RBFOX1: variants seen among roughly 807,000 people sequenced by gnomAD.
RBFOX1 encodes RNA binding fox-1 homolog 1, also known as RNA binding protein fox-1 homolog 1.
A neutral mutation model predicts 57.7 loss-of-function variants in RBFOX1; 8 were observed. The observed-to-expected ratio is 0.14, with a 90% CI of 0.08 to 0.25. RBFOX1 has a LOEUF of 0.25. Ranked by LOEUF, RBFOX1 falls within the 10% of genes least tolerant of loss-of-function variation. The pLI, the probability that RBFOX1 is intolerant of heterozygous loss-of-function variation, is 1.00. For synonymous variants in RBFOX1, 326 were observed against 222.4 expected (o/e 1.47, Z -4.15); for missense variants, 611 against 548.5 (o/e 1.11, Z -1.14).
At chr16:6,991,203 G>A (rs1280018801) in intron 3 of RBFOX1, among the ~76,000 whole-genome samples, 1 of 150,832 alleles carries the variant, frequency 6.6e-6, no homozygotes, top group Non-Finnish European at 1.5e-5. Flanking sequence ...TACAGAATGA[G>A]GCAGGAGAAT....
chr16:6,772,667 C>G (rs2078520350), intron 3 of RBFOX1, among the ~76,000 whole-genome samples: 3 of 114,290 alleles, frequency 2.6e-5, no homozygotes, highest in African/African-American at 7.4e-5. Context: ...TGTATGTGGA[C>G]TTTGAGTGCA....
At chr16:7,631,759 C>T (rs1340838831) in intron 11 of RBFOX1, among the ~76,000 whole-genome samples, 2 of 152,152 alleles carry the variant, frequency 1.3e-5, no homozygotes, top group Non-Finnish European at 2.9e-5. Context: ...AACCAAACAT[C>T]TTCGTTTCCT....
intron 3 of RBFOX1, among the ~76,000 whole-genome samples, chr16:5,710,345 G>A (rs948598589): frequency 7.9e-5 from 12 of 152,186 alleles, no homozygotes; most frequent in African/African-American, 2.9e-4. Flanking sequence ...TCTGTTAAAT[G>A]TAGGGATGGC....
chr16:6,836,083 G>A (rs912120906), intron 3 of RBFOX1, among the ~76,000 whole-genome samples: 2 of 152,160 alleles, frequency 1.3e-5, no homozygotes, highest in African/African-American at 2.4e-5. Flanking sequence ...GCTACAAAAC[G>A]CCTGCTATAG....
chr16:6,078,615 A>T (rs955843720), intron 1 of RBFOX1, among the ~76,000 whole-genome samples: 1 of 152,174 alleles, frequency 6.6e-6, no homozygotes, highest in Non-Finnish European at 1.5e-5. Context: ...TCTCCTTTAG[A>T]TGCTGCTGCA....
At chr16:6,069,131 G>A (rs1389939321) in intron 1 of RBFOX1, among the ~76,000 whole-genome samples, 1 of 152,152 alleles carries the variant, frequency 6.6e-6, no homozygotes, top group African/African-American at 2.4e-5. Context: ...GGGCACGGCG[G>A]CTGACGCATG....
rs1244582733 is a variant in RBFOX1, at chr16:6,655,802, A to G, written c.-16+1152A>G. 2.6e-5 allele frequency among the ~76,000 whole-genome samples: 4 copies of G among 152,128 alleles called. No homozygotes were observed. The South Asian group carries it at 6.2e-4, about 24-fold the overall frequency. The stretch of plus-strand genomic sequence containing the variant: ...CTTTCAAGTGTACCATTATTGTCAA[A>G]TGGGTTATTATTTCAAGCAGAGGTT... On this transcript the variant is annotated intron_variant, in intron 3 of 15. Transcript: ENST00000550418.
rs1054848318 is a variant in RBFOX1 at position 6,383,843 on chromosome 16, A to C, written c.-64+66786A>C. ...AGTGGTTACAATCAAATTTTAAACC[A>C]ATTGTCAAAGTACAAGCCACCACTA... On this transcript the variant is annotated intron_variant, in intron 2 of 15. Transcript: ENST00000550418. Among the ~76,000 whole-genome samples, 8 of 151,996 alleles carry C rather than the reference A, an allele frequency of 5.3e-5. No individual in the cohort carries two copies. The East Asian group carries it at 5.8e-4, about 11-fold the overall frequency.
upstream of RBFOX1, chr16:6,018,977 G>A: frequency 1.6e-6 from 1 of 624,372 alleles, no homozygotes; most frequent in Non-Finnish European, 2.0e-6. Flanking sequence ...CCGCGGCGGC[G>A]GCGGCGCTGG....
intron 14 of RBFOX1, among the ~76,000 whole-genome samples, chr16:7,708,195 C>G (rs931250397): frequency 6.6e-6 from 1 of 152,038 alleles, no homozygotes; most frequent in African/African-American, 2.4e-5. Flanking sequence ...AAATCAAGAT[C>G]TGCCCTGTCT....
chr16:7,649,025 A>G (rs1424770438), intron 11 of RBFOX1, among the ~76,000 whole-genome samples: 2 of 152,224 alleles, frequency 1.3e-5, no homozygotes, highest in Non-Finnish European at 2.9e-5. Flanking sequence ...GTTCCTATCC[A>G]GACCCTAAGA....
At chr16:5,377,149 T>C (rs1038122207) in intron 1 of RBFOX1, among the ~76,000 whole-genome samples, 1 of 151,622 alleles carries the variant, frequency 6.6e-6, no homozygotes, top group African/African-American at 2.4e-5. Flanking sequence ...GCACCTGCTG[T>C]ATATCTGCCA....
intron 14 of RBFOX1, among the ~76,000 whole-genome samples, chr16:7,687,098 C>G (rs1375504073): frequency 6.6e-6 from 1 of 151,978 alleles, no homozygotes; most frequent in East Asian, 1.9e-4. Flanking sequence ...GGTGTAGGAC[C>G]TTTGAGAGCT....
intron 14 of RBFOX1, among the ~76,000 whole-genome samples, chr16:7,689,199 C>T (rs192889727): frequency 6.6e-6 from 1 of 152,234 alleles, no homozygotes; most frequent in East Asian, 1.9e-4. Flanking sequence ...ATCAACATTC[C>T]CATGAGCCAA....
chr16:5,644,169 A>G (rs1393041225), intron 3 of RBFOX1, among the ~76,000 whole-genome samples: 4 of 152,372 alleles, frequency 2.6e-5, no homozygotes, highest in Admixed American at 1.3e-4. Flanking sequence ...TCCATAAGGT[A>G]TAATTTTAGC....
chr16:7,083,591 G>A (rs1367311898), intron 4 of RBFOX1, among the ~76,000 whole-genome samples: 1 of 152,118 alleles, frequency 6.6e-6, no homozygotes, highest in Non-Finnish European at 1.5e-5. Flanking sequence ...AGAGAACTCA[G>A]TCTGCTAACT....
intron 2 of RBFOX1, among the ~76,000 whole-genome samples, chr16:6,552,958 T>A (rs186883772): frequency 3.3e-5 from 5 of 152,262 alleles, no homozygotes; most frequent in African/African-American, 9.6e-5. Flanking sequence ...TAATTAAAAA[T>A]TTTTTAAAAA....
In RBFOX1 at chr16:7,518,179, A is replaced by G; in HGVS notation, c.60A>G (p.Thr20=). Residue 20 remains threonine, a synonymous_variant, in exon 5 of 16, where the codon ACA becomes ACG. Coordinates refer to ENST00000550418, the MANE Select transcript of RBFOX1 (RefSeq NM_018723.4). ...AGGAAGCAGCCGCTGCCCCTGACAC[A>G]ATGGCTCAGCCTTACGCTTCGGCCC... is the stretch of plus-strand genomic sequence containing the variant. The part of the protein sequence containing the change: ...GNQEAAAAPD[T]MAQPYASAQF... The G allele has an allele frequency of 1.2e-6, 2 of 1,613,584 alleles. No individual in the cohort carries two copies. The highest frequency in any genetic ancestry group is 1.7e-6 in the Non-Finnish European group (2 of 1,179,720).
At chr16:7,655,789 T>C (rs1276592412) in intron 12 of RBFOX1, among the ~76,000 whole-genome samples, 1 of 152,202 alleles carries the variant, frequency 6.6e-6, no homozygotes, top group Non-Finnish European at 1.5e-5. Flanking sequence ...ACTACTATAT[T>C]GAAGAGCAAA....
Sources: gnomAD v4.1 joint callset for allele counts (sites outside exome capture counted in the v4.1 genomes callset) on GRCh38, gnomAD v4.1.1 for gene constraint, MANE v1.5 for transcripts, NCBI Gene and HGNC (gene_info 2026-07-23, HGNC 2026-07-21) for gene names.